The following PRKN variants were observed in gnomAD, a reference collection of about 807,000 sequenced individuals.
PRKN encodes the protein parkin RBR E3 ubiquitin protein ligase, also known as E3 ubiquitin-protein ligase parkin.
Under a neutral mutation model 59.5 loss-of-function variants are expected in PRKN, and 56 were observed. The observed-to-expected ratio is 0.94, with a 90% CI of 0.76 to 1.18. PRKN has a LOEUF of 1.18. Among genes scored for constraint, PRKN ranks in the 50% most tolerant of loss-of-function variants. PRKN has a pLI of 0.00. For missense variants in PRKN, 657 were observed against 596.4 expected (o/e 1.10, Z -1.06); for synonymous variants, 250 against 222.1 (o/e 1.13, Z -1.12).
intron 1 of PRKN, among the ~76,000 whole-genome samples, chr6:162,724,441 G>A (rs1779049270): frequency 1.3e-5 from 2 of 152,296 alleles, no homozygotes; most frequent in African/African-American, 2.4e-5. Flanking sequence ...GAAGGTACAT[G>A]TCATTAGCAG....
chr6:161,754,471 G>A (rs1788827513), intron 7 of PRKN, among the ~76,000 whole-genome samples: 1 of 152,126 alleles, frequency 6.6e-6, no homozygotes, highest in Non-Finnish European at 1.5e-5. Context: ...GGACACGAGG[G>A]CCATGAGGTG....
chr6:162,242,384 T>C (rs1051637412), intron 3 of PRKN, among the ~76,000 whole-genome samples: 1 of 152,252 alleles, frequency 6.6e-6, no homozygotes, highest in South Asian at 2.1e-4. Flanking sequence ...GCTCAGTTCA[T>C]ACAGAAAGCA....
intron 1 of PRKN, among the ~76,000 whole-genome samples, chr6:162,710,615 T>C (rs1173697932): frequency 1.3e-5 from 2 of 152,248 alleles, no homozygotes; most frequent in Non-Finnish European, 2.9e-5. Flanking sequence ...AGCTCCCATA[T>C]TCAATTCTAT....
rs1230798497 is a variant in PRKN, at chr6:161,348,797, TG to T, written c.*1301del. The T allele has an allele frequency of 9.5e-6, 2 of 210,172 alleles. No homozygotes were observed. The highest frequency in any genetic ancestry group is 1.9e-5 in the Non-Finnish European group (2 of 103,502). The allele number at this position is 210,172 out of a possible 1,614,324, so 13.0% of individuals were successfully genotyped here. A position where few individuals can be genotyped will look rare whatever the true frequency, so the allele number is the denominator to read the frequency against. ...ACAATACAGGTAGAACAAAAGATAGTGGTTGTACTTTCTCTTCTGCGTAGTG... is the reference window on the plus strand; with the variant it reads ...ACAATACAGGTAGAACAAAAGATAGTGTTGTACTTTCTCTTCTGCGTAGTG... On this transcript the variant is annotated 3_prime_UTR_variant, in exon 12 of 12. Transcript: ENST00000366898. This position sits in a 1 kb window ranked among gnomAD's most constrained non-coding sequence, Gnocchi z 4.9.
chr6:162,278,614 T>C (rs2128105644), intron 2 of PRKN, among the ~76,000 whole-genome samples: 1 of 152,142 alleles, frequency 6.6e-6, no homozygotes, highest in South Asian at 2.1e-4. Context: ...AATAAAGGCT[T>C]AAAAAAGCTA....
intron 6 of PRKN, among the ~76,000 whole-genome samples, chr6:161,823,267 C>T (rs1382835085): frequency 6.6e-6 from 1 of 151,984 alleles, no homozygotes. Context: ...TTGGCATGTA[C>T]TTCTTTATGA....
At chr6:162,709,842 A>G (rs1360692413) in intron 1 of PRKN, among the ~76,000 whole-genome samples, 1 of 151,846 alleles carries the variant, frequency 6.6e-6, no homozygotes, top group South Asian at 2.1e-4. Flanking sequence ...CCAGGAATAT[A>G]AAAAAATCTC....
chr6:161,793,893 C>T (rs867202763), intron 6 of PRKN, among the ~76,000 whole-genome samples: 3 of 152,168 alleles, frequency 2.0e-5, no homozygotes, highest in Non-Finnish European at 4.4e-5. Context: ...TTCCCTTCTC[C>T]TCTTAAATTC....
At chr6:161,845,023 G>A (rs557473159) in intron 6 of PRKN, among the ~76,000 whole-genome samples, 1 of 152,290 alleles carries the variant, frequency 6.6e-6, no homozygotes, top group South Asian at 2.1e-4. Flanking sequence ...TAAATGAGCG[G>A]GACAGAGGCC....
At chr6:162,708,938 C>G (rs1232410042) in intron 1 of PRKN, among the ~76,000 whole-genome samples, 1 of 152,208 alleles carries the variant, frequency 6.6e-6, no homozygotes, top group Non-Finnish European at 1.5e-5. Context: ...CTCCCTATCA[C>G]TTGCCTTACC....
At chr6:161,948,001 T>TTC (rs1779844738) in intron 6 of PRKN, among the ~76,000 whole-genome samples, 1 of 151,958 alleles carries the variant, frequency 6.6e-6, no homozygotes, top group Non-Finnish European at 1.5e-5. Flanking sequence ...TCTTCTTTTT[T>TTC]TTGAGACAGA....
At chr6:161,657,645 C>A (rs975672598) in intron 7 of PRKN, among the ~76,000 whole-genome samples, 4 of 152,158 alleles carry the variant, frequency 2.6e-5, no homozygotes, top group African/African-American at 9.7e-5. Flanking sequence ...AGAATATGAA[C>A]TCTGCTTCTG....
intron 2 of PRKN, among the ~76,000 whole-genome samples, chr6:162,277,601 T>C (rs1780689201): frequency 6.6e-6 from 1 of 152,004 alleles, no homozygotes; most frequent in South Asian, 2.1e-4. Context: ...AACTCATCAG[T>C]AAATAAATAA....
At position 161,575,810 on chromosome 6, in the gene PRKN, G is replaced by A. The variant is rs1194779935; in HGVS notation, c.872-6394C>T. ...TCGGCTATAGCTTAGAATCCCTAAT[G>A]TGGGCTTGACAATTACAGTGACCTT... On this transcript the variant is annotated intron_variant, in intron 7 of 11. Transcript: ENST00000366898. This position sits in a 1 kb window ranked among gnomAD's most constrained non-coding sequence, Gnocchi z 4.6. Among the ~76,000 whole-genome samples the A allele has an allele frequency of 6.6e-6, 1 of 152,362 alleles. No individual in the cohort carries two copies. The highest frequency in any genetic ancestry group is 2.1e-4 in the South Asian group (1 of 4,826).
chr6:162,135,507 G>A (rs1405496300), intron 4 of PRKN, among the ~76,000 whole-genome samples: 1 of 152,106 alleles, frequency 6.6e-6, no homozygotes, highest in African/African-American at 2.4e-5. Context: ...CAGACTGACT[G>A]AGGCAACAGA....
chr6:162,512,255 A>C (rs535507252), intron 1 of PRKN, among the ~76,000 whole-genome samples: 125 of 152,350 alleles, frequency 8.2e-4, no homozygotes, highest in African/African-American at 2.9e-3. Context: ...GGATCTGCTA[A>C]TATGGTCATG....
At chr6:161,782,973 T>C (rs1331064686) in intron 7 of PRKN, among the ~76,000 whole-genome samples, 4 of 152,102 alleles carry the variant, frequency 2.6e-5, no homozygotes, top group Admixed American at 6.5e-5. Flanking sequence ...TAACTATACA[T>C]TAACTTATAT....
intron 7 of PRKN, among the ~76,000 whole-genome samples, chr6:161,720,657 T>C (rs1201234518): frequency 2.0e-5 from 3 of 152,206 alleles, no homozygotes; most frequent in Non-Finnish European, 4.4e-5. Context: ...TACAGTTTCC[T>C]AACCAGGATG....
intron 4 of PRKN, among the ~76,000 whole-genome samples, chr6:162,117,541 T>C (rs1583057607): frequency 1.3e-5 from 2 of 152,312 alleles, no homozygotes; most frequent in African/African-American, 2.4e-5. Flanking sequence ...ACAGACCATG[T>C]CCCTGTAAAG....
Sources: allele counts gnomAD v4.1 joint callset (sites outside exome capture counted in the v4.1 genomes callset), GRCh38; gene constraint gnomAD v4.1.1; non-coding constraint Gnocchi (gnomAD v3.1); transcripts MANE v1.5; gene names NCBI Gene and HGNC (gene_info 2026-07-23, HGNC 2026-07-21).